HSPA12A: variants seen among roughly 807,000 people sequenced by gnomAD.
The protein encoded by HSPA12A is heat shock 70 kDa protein 12A.
A neutral mutation model predicts 69.2 loss-of-function variants in HSPA12A; 28 were observed. That is an observed-to-expected ratio of 0.40 (90% CI 0.30 to 0.55). The LOEUF (loss-of-function observed/expected upper bound fraction) is 0.55, where lower values mean the gene tolerates loss of function less well. HSPA12A is among the 20% of genes least tolerant of loss of function. The pLI is 0.38. For synonymous variants in HSPA12A, 345 were observed against 370.5 expected (o/e 0.93, Z 0.79); for missense variants, 686 against 900.7 (o/e 0.76, Z 3.05).
At position 116,710,711 on chromosome 10, in the gene HSPA12A, G is replaced by T. The variant is rs1434198882; in HGVS notation, c.41-3426C>A. On this transcript the variant is annotated intron_variant, in intron 1 of 11. Transcript: ENST00000369209. This position sits in a 1 kb window ranked among gnomAD's most constrained non-coding sequence, Gnocchi z 4.1. The stretch of plus-strand genomic sequence containing the variant: ...TGATCTGCACAGAAGGTATGGAGGG[G>T]TAACATTTTCAGAGATACCTGCACA... Among the ~76,000 whole-genome samples, 1 of 152,184 alleles carries T rather than the reference G, an allele frequency of 6.6e-6. No individual in the cohort carries two copies. The highest frequency in any genetic ancestry group is 6.5e-5 in the Admixed American group (1 of 15,272).
intron 1 of HSPA12A, among the ~76,000 whole-genome samples, chr10:116,722,290 G>A (rs1049753381): frequency 6.6e-6 from 1 of 152,218 alleles, no homozygotes; most frequent in Non-Finnish European, 1.5e-5. Context: ...AGCCCAAGAT[G>A]TCTGTGCCCA....
At position 116,679,627 on chromosome 10, in the gene HSPA12A, A is replaced by G; in HGVS notation, c.1162T>C (p.Ser388Pro). The change falls in exon 10 of 12, where the codon TCT becomes CCT. Residue 388 changes from serine (S) to proline (P), a missense_variant. Physicochemically the swap from Ser to Pro is moderately conservative, Grantham distance 74. Transcript: ENST00000369209. ...AWVDLMIAFE[S>P]RKRAAAPDRT... ...TCTGGGGCAGCCGCCCTTTTGCGAG[A>G]CTCAAACGCAATCATTAAGTCAACC... 1 of 1,614,202 alleles carries G rather than the reference A, an allele frequency of 6.2e-7. No homozygotes were observed. The highest frequency in any genetic ancestry group is 8.5e-7 in the Non-Finnish European group (1 of 1,180,044).
At chr10:116,704,892 C>T (rs367568635) in intron 3 of HSPA12A, among the ~76,000 whole-genome samples, 4 of 152,284 alleles carry the variant, frequency 2.6e-5, no homozygotes, top group African/African-American at 9.6e-5. Flanking sequence ...TGGATTCACC[C>T]GGGCCAGGCT....
At chr10:116,744,668 C>G (rs1054529983), upstream of HSPA12A, among the ~76,000 whole-genome samples, 65 of 152,358 alleles carry the variant, frequency 4.3e-4, no homozygotes, top group Middle Eastern at 6.8e-3. Flanking sequence ...ATGCTCATCA[C>G]ACTAATTACA....
At chr10:116,749,103 T>C (rs1264871499) in intron 2 of HSPA12A, among the ~76,000 whole-genome samples, 5 of 152,162 alleles carry the variant, frequency 3.3e-5, no homozygotes, top group Non-Finnish European at 4.4e-5. Context: ...TTCCATATAT[T>C]ATGCCACCCC....
At chr10:116,726,879 C>T (rs543873651) in intron 1 of HSPA12A, among the ~76,000 whole-genome samples, 1 of 152,338 alleles carries the variant, frequency 6.6e-6, no homozygotes, top group African/African-American at 2.4e-5. Context: ...CTAAGTCACA[C>T]TAACTAACGT....
rs1291242314 is a variant in HSPA12A at position 116,794,328 on chromosome 10, A to G, written c.91+40607T>C. 2.0e-5 allele frequency among the ~76,000 whole-genome samples: 3 copies of G among 152,360 alleles called. No homozygotes were observed. In the East Asian group the frequency reaches 5.8e-4, roughly 29 times the overall value. On this transcript the variant is annotated intron_variant, in intron 2 of 12. Transcript: ENST00000635765. ...CTTTTTGCTATTAACAAGAATCCCA[A>G]CAAAAACTTAAGGACATAGAAAGGT...
chr10:116,787,758 G>A (rs1216703494), intron 2 of HSPA12A, among the ~76,000 whole-genome samples: 1 of 152,184 alleles, frequency 6.6e-6, no homozygotes, highest in East Asian at 1.9e-4. Context: ...TTCAGAAGGT[G>A]AAAAGAAGAG....
chr10:116,677,875 A>G (rs1446508506), intron 10 of HSPA12A, among the ~76,000 whole-genome samples: 3 of 152,220 alleles, frequency 2.0e-5, no homozygotes, highest in Non-Finnish European at 2.9e-5. Context: ...CCATTGTTTA[A>G]AATACATCAA....
At chr10:116,685,527 C>T (rs188699306) in intron 6 of HSPA12A, among the ~76,000 whole-genome samples, 8 of 150,840 alleles carry the variant, frequency 5.3e-5, no homozygotes, top group East Asian at 2.0e-4. Flanking sequence ...CCCAGCTACT[C>T]GGGAGGCTGA....
chr10:116,792,224 AGT>A (rs1215393258), intron 2 of HSPA12A, among the ~76,000 whole-genome samples: 30 of 135,682 alleles, frequency 2.2e-4, no homozygotes, highest in Middle Eastern at 4.7e-3. Context: ...ACCCAGCCCC[AGT>A]TCAGCATGGG....
chr10:116,810,661 C>G (rs189934354), intron 2 of HSPA12A, among the ~76,000 whole-genome samples: 1 of 152,274 alleles, frequency 6.6e-6, no homozygotes, highest in Non-Finnish European at 1.5e-5. Context: ...ACTTGTTAGA[C>G]ATGCAAAAAT....
chr10:116,790,088 CTTTCTTT>C (rs1844668042), intron 2 of HSPA12A, among the ~76,000 whole-genome samples: 1 of 127,520 alleles, frequency 7.8e-6, no homozygotes. Flanking sequence ...CCCTGATAAT[CTTTCTTT>C]TTTTTTTTTT....
chr10:116,850,217 C>T (rs1452220947), upstream of HSPA12A: 1 of 221,078 alleles, frequency 4.5e-6, no homozygotes, highest in East Asian at 1.5e-4. Flanking sequence ...GCTCCTCTGC[C>T]GGGATGCCAG....
At chr10:116,850,173 T>G, upstream of HSPA12A, 2 of 248,276 alleles carry the variant, frequency 8.1e-6, no homozygotes, top group Non-Finnish European at 1.6e-5. Flanking sequence ...TGCTACAACT[T>G]GGCTTCAGCC....
intron 2 of HSPA12A, among the ~76,000 whole-genome samples, chr10:116,749,512 G>A (rs1419286115): frequency 6.6e-6 from 1 of 152,236 alleles, no homozygotes; most frequent in East Asian, 1.9e-4. Flanking sequence ...GGCATTCTGA[G>A]CTCAAGAACA....
chr10:116,837,791 T>A (rs569994718), intron 1 of HSPA12A, among the ~76,000 whole-genome samples: 88 of 151,400 alleles, frequency 5.8e-4, no homozygotes, highest in African/African-American at 2.1e-3. Context: ...GGTATTTTTA[T>A]CTACCTATTT....
At chr10:116,731,433 C>T (rs1364372566) in intron 1 of HSPA12A, among the ~76,000 whole-genome samples, 1 of 152,276 alleles carries the variant, frequency 6.6e-6, no homozygotes, top group Non-Finnish European at 1.5e-5. Flanking sequence ...CGGATGACCA[C>T]GGTCCCTTCA....
chr10:116,800,749 C>T (rs1358670367), intron 2 of HSPA12A, among the ~76,000 whole-genome samples: 1 of 152,220 alleles, frequency 6.6e-6, no homozygotes, highest in East Asian at 1.9e-4. Context: ...TGTCTGTCAC[C>T]TGACAGGTCT....
Sources: allele counts gnomAD v4.1 joint callset (sites outside exome capture counted in the v4.1 genomes callset), GRCh38; gene constraint gnomAD v4.1.1; non-coding constraint Gnocchi (gnomAD v3.1); transcripts MANE v1.5; gene names NCBI Gene and HGNC (gene_info 2026-07-23, HGNC 2026-07-21).